Variants in C10orf67 observed in about 807,000 individuals in gnomAD.
C10orf67 encodes chromosome 10 open reading frame 67.
A neutral mutation model predicts 35.6 loss-of-function variants in C10orf67; 60 were observed. That is an observed-to-expected ratio of 1.68 (90% CI 1.37 to 2.09). The LOEUF (loss-of-function observed/expected upper bound fraction) is 2.09, where lower values mean the gene tolerates loss of function less well. Ranked by LOEUF, C10orf67 falls within the 30% of genes most tolerant of loss-of-function variation. C10orf67 has a pLI of 0.00. For missense variants in C10orf67, 474 were observed against 330.2 expected, an observed-to-expected ratio of 1.44 and a Z score of -3.38; for synonymous variants, 167 against 115.8, an observed-to-expected ratio of 1.44 and a Z score of -2.84.
intron 10 of C10orf67, among the ~76,000 whole-genome samples, chr10:23,253,362 T>A (rs531600972): frequency 1.3e-5 from 2 of 152,302 alleles, no homozygotes; most frequent in East Asian, 3.9e-4. Context: ...TCCACCTATT[T>A]GTTCTCAAAG....
intron 7 of C10orf67, among the ~76,000 whole-genome samples, chr10:23,286,756 G>T (rs559567607): frequency 6.6e-6 from 1 of 152,100 alleles, no homozygotes. Context: ...GACCTTAGAG[G>T]TTGATGCCAA....
At chr10:23,291,966 T>A (rs1319883255) in intron 5 of C10orf67, among the ~76,000 whole-genome samples, 1 of 152,038 alleles carries the variant, frequency 6.6e-6, no homozygotes, top group African/African-American at 2.4e-5. Context: ...TTGGTTTAAA[T>A]CTCTATGCAA....
At chr10:23,248,519 G>T (rs1220907746) in intron 12 of C10orf67, among the ~76,000 whole-genome samples, 2 of 152,166 alleles carry the variant, frequency 1.3e-5, no homozygotes, top group Non-Finnish European at 2.9e-5. Context: ...AATTGACTGA[G>T]AAATCATTGG....
intron 5 of C10orf67, among the ~76,000 whole-genome samples, chr10:23,294,919 A>G (rs147950276): frequency 1.3e-5 from 2 of 152,344 alleles, no homozygotes; most frequent in Non-Finnish European, 2.9e-5. Flanking sequence ...GTTTGTTCTT[A>G]GAGAATGTAG....
chr10:23,324,779 A>G (rs1016149421), intron 2 of C10orf67, among the ~76,000 whole-genome samples: 1 of 152,144 alleles, frequency 6.6e-6, no homozygotes, highest in African/African-American at 2.4e-5. Context: ...CCTTGATCTG[A>G]TTCAAAAGCT....
chr10:23,324,196 C>T lies in C10orf67; in HGVS notation c.328-1659G>A, dbSNP rs114001440. 2.2e-3 allele frequency among the ~76,000 whole-genome samples: 336 copies of T among 151,458 alleles called. 4 individuals are homozygous for T. The highest frequency in any genetic ancestry group is 7.7e-3 in the African/African-American group (319 of 41,300). On this transcript the variant is annotated intron_variant, in intron 2 of 15. Coordinates refer to ENST00000636213, the MANE Select transcript of C10orf67 (RefSeq NM_001371909.1). Reference sequence around the variant, plus strand: ...TGCTACAGGACAGGAGAACTAACTCCTCTTCTTCCCTTGGGCACTGATGTA... The same window carrying T: ...TGCTACAGGACAGGAGAACTAACTCTTCTTCTTCCCTTGGGCACTGATGTA...
At chr10:23,268,436 C>T (rs1041887382) in intron 8 of C10orf67, among the ~76,000 whole-genome samples, 4 of 151,988 alleles carry the variant, frequency 2.6e-5, no homozygotes, top group Non-Finnish European at 2.9e-5. Context: ...TATAAATAAT[C>T]CTACTTGAAA....
intron 13 of C10orf67, among the ~76,000 whole-genome samples, chr10:23,233,399 T>C (rs888273363): frequency 2.0e-5 from 3 of 152,090 alleles, no homozygotes; most frequent in African/African-American, 7.2e-5. Context: ...GCAAAGTGGG[T>C]AGAATACTTC....
intron 2 of C10orf67, among the ~76,000 whole-genome samples, chr10:23,324,573 G>T (rs936495667): frequency 6.6e-6 from 1 of 152,162 alleles, no homozygotes; most frequent in African/African-American, 2.4e-5. Flanking sequence ...GCTTCCTCAA[G>T]CATGAGTCAA....
At chr10:23,344,217 G>A in intron 1 of C10orf67, 1 of 262,952 alleles carries the variant, frequency 3.8e-6, no homozygotes, top group Non-Finnish European at 7.2e-6. Flanking sequence ...GGAGAAGGTT[G>A]GGGATGGGGG....
intron 4 of C10orf67, among the ~76,000 whole-genome samples, chr10:23,319,341 A>AT (rs1049969817): frequency 2.6e-5 from 4 of 152,014 alleles, no homozygotes; most frequent in Non-Finnish European, 4.4e-5. Context: ...TGATTTTATT[A>AT]TTTTTTATGG....
At chr10:23,263,922 TC>T (rs960453142) in intron 10 of C10orf67, among the ~76,000 whole-genome samples, 1 of 152,236 alleles carries the variant, frequency 6.6e-6, no homozygotes, top group Non-Finnish European at 1.5e-5. Flanking sequence ...ATCGTATTTT[TC>T]AGACTGGCTA....
At chr10:23,294,560 C>G (rs1843821925) in intron 5 of C10orf67, among the ~76,000 whole-genome samples, 1 of 152,126 alleles carries the variant, frequency 6.6e-6, no homozygotes, top group South Asian at 2.1e-4. Flanking sequence ...ACATTTCATC[C>G]CTTGAATGAA....
In C10orf67 at chr10:23,281,600, G is replaced by C. The variant is rs150471839; in HGVS notation, c.975+413C>G. On this transcript the variant is annotated intron_variant, in intron 8 of 15. Coordinates refer to ENST00000636213, the MANE Select transcript of C10orf67 (RefSeq NM_001371909.1). The stretch of plus-strand genomic sequence containing the variant: ...TCTCTTAAAAGAACATAAAAAGGCA[G>C]TGTTTTCTTATGAGACTAACACAGA... 1.4e-3 allele frequency among the ~76,000 whole-genome samples: 214 copies of C among 152,266 alleles called. 3 individuals are homozygous for C. Among genetic ancestry groups the C allele is most frequent in the African/African-American group, 5.0e-3 (208 of 41,538 alleles).
chr10:23,236,621 T>C (rs906270687), intron 13 of C10orf67, among the ~76,000 whole-genome samples: 10 of 152,154 alleles, frequency 6.6e-5, no homozygotes, highest in Admixed American at 3.9e-4. Context: ...CTCACACCTG[T>C]AATCCCAGCC....
chr10:23,343,826 G>T (rs879343154), intron 1 of C10orf67: 33 of 424,432 alleles, frequency 7.8e-5, no homozygotes, highest in Non-Finnish European at 1.3e-4. Flanking sequence ...GGAGCAAGGG[G>T]CCTGGAAAGG....
chr10:23,298,604 A>G (rs1213813475), intron 5 of C10orf67, among the ~76,000 whole-genome samples: 5 of 152,230 alleles, frequency 3.3e-5, no homozygotes, highest in African/African-American at 1.2e-4. Flanking sequence ...AGTTCCTGTT[A>G]TGCCAAGGAA....
In C10orf67 at chr10:23,344,716, A is replaced by T; in HGVS notation, c.59T>A (p.Val20Asp). 3 of 1,574,108 alleles carry T rather than the reference A, an allele frequency of 1.9e-6. No homozygotes were observed. The highest frequency in any genetic ancestry group is 2.6e-6 in the Non-Finnish European group (3 of 1,160,220). Residue 20 changes from valine to aspartate, a missense_variant, in exon 1 of 16, where the codon GTT becomes GAT. Coordinates refer to ENST00000636213, the MANE Select transcript of C10orf67 (RefSeq NM_001371909.1). ...CCTCAAGGAGGAGGAAAAGCAGTGA[A>T]CCCATCTAATAACTATGCTCATGAC... The part of the protein sequence containing the change: ...HYVMSIVIRW[V>D]HCFSSSLRGT...
chr10:23,329,300 ATAT>A (rs1249970638), intron 2 of C10orf67, among the ~76,000 whole-genome samples: 3 of 152,070 alleles, frequency 2.0e-5, no homozygotes, highest in Admixed American at 6.6e-5. Context: ...AAGACAATAA[ATAT>A]TATACCAATA....
Sources: gnomAD v4.1 joint callset for allele counts (sites outside exome capture counted in the v4.1 genomes callset) on GRCh38, gnomAD v4.1.1 for gene constraint, MANE v1.5 for transcripts, NCBI Gene and HGNC (gene_info 2026-07-23, HGNC 2026-07-21) for gene names.